DGKI: variants seen among roughly 807,000 people sequenced by gnomAD.
The protein encoded by DGKI is diacylglycerol kinase iota.
Under a neutral mutation model 147.5 loss-of-function variants are expected in DGKI, and 55 were observed. The observed-to-expected ratio is 0.37, with a 90% CI of 0.30 to 0.47. The LOEUF is 0.47. Ranked by LOEUF, DGKI falls within the 20% of genes least tolerant of loss-of-function variation. DGKI has a pLI of 1.00. For synonymous variants in DGKI, 469 were observed against 477.1 expected (o/e 0.98, Z 0.22); for missense variants, 1,007 against 1,323.8 (o/e 0.76, Z 3.71).
intron 1 of DGKI, among the ~76,000 whole-genome samples, chr7:137,749,079 C>T (rs1194717741): frequency 1.3e-5 from 2 of 152,306 alleles, no homozygotes. Flanking sequence ...ATATACTATT[C>T]ACAAGAGTGA....
chr7:137,441,481 T>G (rs769943937), intron 28 of DGKI, among the ~76,000 whole-genome samples: 1 of 150,986 alleles, frequency 6.6e-6, no homozygotes, highest in Non-Finnish European at 1.5e-5. Flanking sequence ...TCAATTGAAC[T>G]TGCTACAATC....
intron 3 of DGKI, among the ~76,000 whole-genome samples, chr7:137,668,775 G>A (rs1344140188): frequency 1.3e-5 from 2 of 152,182 alleles, no homozygotes. Flanking sequence ...TGTCAGCTAG[G>A]CTAGTTGTTT....
At chr7:137,800,033 A>G (rs558440547) in intron 1 of DGKI, among the ~76,000 whole-genome samples, 89 of 152,280 alleles carry the variant, frequency 5.8e-4, no homozygotes, top group Non-Finnish European at 1.0e-3. Flanking sequence ...GGTGGCAGGG[A>G]TAGGAGGCAT....
chr7:137,412,599 G>T (rs1459516329), intron 28 of DGKI, among the ~76,000 whole-genome samples: 1 of 152,198 alleles, frequency 6.6e-6, no homozygotes, highest in Non-Finnish European at 1.5e-5. Context: ...GAAGTCCTAT[G>T]AATGTTCCTA....
intron 19 of DGKI, among the ~76,000 whole-genome samples, chr7:137,567,986 T>C (rs1030589746): frequency 6.6e-6 from 1 of 152,144 alleles, no homozygotes; most frequent in Non-Finnish European, 1.5e-5. Flanking sequence ...GAATTGAAAA[T>C]TATAAAAGCT....
intron 1 of DGKI, among the ~76,000 whole-genome samples, chr7:137,789,426 A>G (rs1401018172): frequency 1.3e-5 from 2 of 152,212 alleles, no homozygotes; most frequent in East Asian, 3.8e-4. Flanking sequence ...ATGTTGCCAT[A>G]GTAACCAACC....
chr7:137,447,325 T>A (rs1052375724), intron 27 of DGKI, among the ~76,000 whole-genome samples: 3 of 152,132 alleles, frequency 2.0e-5, no homozygotes, highest in Non-Finnish European at 4.4e-5. Flanking sequence ...TTCAGGGAAC[T>A]CATAATCTAG....
intron 1 of DGKI, among the ~76,000 whole-genome samples, chr7:137,768,799 G>T (rs889454577): frequency 1.3e-5 from 2 of 152,146 alleles, no homozygotes; most frequent in Non-Finnish European, 2.9e-5. Flanking sequence ...GCAGCCGCTT[G>T]GCTGAACGGC....
chr7:137,496,954 A>T (rs1249015395), intron 21 of DGKI, among the ~76,000 whole-genome samples: 1 of 152,110 alleles, frequency 6.6e-6, no homozygotes, highest in Non-Finnish European at 1.5e-5. Context: ...AAAACTGACA[A>T]ATAAGACCTA....
chr7:137,505,095 G>C (rs558737214), intron 21 of DGKI, among the ~76,000 whole-genome samples: 32 of 149,432 alleles, frequency 2.1e-4, no homozygotes, highest in East Asian at 3.9e-4. Context: ...ATAGACAAAG[G>C]GGGGGAACAT....
chr7:137,440,623 T>C (rs1401104952), intron 28 of DGKI, among the ~76,000 whole-genome samples: 1 of 152,188 alleles, frequency 6.6e-6, no homozygotes, highest in Non-Finnish European at 1.5e-5. Flanking sequence ...GCAAGTTATT[T>C]AAGCACTCTG....
rs181905016 is a variant in DGKI, at chr7:137,602,370, G to A, written c.1168-2465C>T. On this transcript the variant is annotated intron_variant, in intron 10 of 32. Coordinates refer to ENST00000614521, the MANE Select transcript of DGKI (RefSeq NM_001321708.2). The stretch of plus-strand genomic sequence containing the variant: ...TGAATTTCTCTAAAAGGTCCGAGTG[G>A]CCACAGAGGTGACATTTCTATTGCA... Among the ~76,000 whole-genome samples, 282 of 152,310 alleles carry A rather than the reference G, an allele frequency of 1.9e-3. 2 individuals carry two copies. Among genetic ancestry groups the A allele is most frequent in the African/African-American group, 6.1e-3 (254 of 41,574 alleles).
chr7:137,426,585 A>G (rs1812816213), intron 28 of DGKI, among the ~76,000 whole-genome samples: 1 of 152,234 alleles, frequency 6.6e-6, no homozygotes. Context: ...AAATGCTCCA[A>G]TTAAAAGACA....
At chr7:137,711,684 C>CT (rs71177918) in intron 1 of DGKI, among the ~76,000 whole-genome samples, 19,631 of 79,738 alleles carry the variant, frequency 0.25, 3,849 homozygotes, top group Non-Finnish European at 0.29. Flanking sequence ...GGGATACCAA[C>CT]TTTTTTTTTT....
rs78811896 is a variant in DGKI at position 137,589,399 on chromosome 7, T to A, written c.1312-2189A>T. ...TGTGGTAACTAAAAATCCAGACCTA[T>A]AAATGTCAAAAAGTCTGTCCACTTC... On this transcript the variant is annotated intron_variant, in intron 12 of 32. Coordinates refer to ENST00000614521, the MANE Select transcript of DGKI (RefSeq NM_001321708.2). 7.9e-5 allele frequency among the ~76,000 whole-genome samples: 12 copies of A among 152,352 alleles called. No homozygotes were observed. The East Asian group carries it at 2.3e-3, about 29-fold the overall frequency.
chr7:137,583,552 A>G (rs913045375), intron 14 of DGKI, among the ~76,000 whole-genome samples: 2 of 152,176 alleles, frequency 1.3e-5, no homozygotes, highest in East Asian at 1.9e-4. Context: ...ATTTTCCAGG[A>G]AAACTTGCCC....
chr7:137,392,370 T>C (rs1811397676), intron 32 of DGKI, among the ~76,000 whole-genome samples: 1 of 152,240 alleles, frequency 6.6e-6, no homozygotes, highest in East Asian at 1.9e-4. Flanking sequence ...TTTTGTTGAA[T>C]GATAAAGTTT....
At chr7:137,481,364 A>G (rs1483015190) in intron 23 of DGKI, among the ~76,000 whole-genome samples, 1 of 152,148 alleles carries the variant, frequency 6.6e-6, no homozygotes, top group Non-Finnish European at 1.5e-5. Context: ...GGCCTCAGAA[A>G]GGACCCTTAT....
intron 3 of DGKI, among the ~76,000 whole-genome samples, chr7:137,665,812 G>C (rs1212217350): frequency 6.6e-6 from 1 of 152,058 alleles, no homozygotes; most frequent in Non-Finnish European, 1.5e-5. Context: ...TCATCTGAAG[G>C]GAAAGAAAAC....
Sources: gnomAD v4.1 joint callset for allele counts (sites outside exome capture counted in the v4.1 genomes callset) on GRCh38, gnomAD v4.1.1 for gene constraint, MANE v1.5 for transcripts, NCBI Gene and HGNC (gene_info 2026-07-23, HGNC 2026-07-21) for gene names.